Variants in RNF169 observed in about 807,000 individuals in gnomAD.
RNF169 encodes E3 ubiquitin-protein ligase RNF169.
Under a neutral mutation model 53.9 loss-of-function variants are expected in RNF169, and 24 were observed. The observed-to-expected ratio is 0.45, with a 90% CI of 0.32 to 0.63. The LOEUF is 0.63. Among genes scored for constraint, RNF169 ranks in the 20% least tolerant of loss-of-function variants. RNF169 has a pLI of 0.04. For synonymous variants in RNF169, 396 were observed against 363.5 expected (o/e 1.09, Z -1.02); for missense variants, 883 against 906.2 (o/e 0.97, Z 0.33).
intron 1 of RNF169, among the ~76,000 whole-genome samples, chr11:74,759,976 C>T (rs1020272239): frequency 1.3e-4 from 19 of 151,136 alleles, no homozygotes; most frequent in African/African-American, 4.6e-4. Flanking sequence ...TGATTATTGC[C>T]ACAATTTCAG....
chr11:74,810,419 A>G lies in RNF169; in HGVS notation c.723+89A>G. On this transcript the variant is annotated intron_variant, in intron 3 of 5. Transcript: ENST00000299563. Reference sequence around the variant, plus strand: ...GGACCTGAAAGACCTATGTTGGTAAATTGTGAGACCAGTAACAGTCAGTGA... The same window carrying G: ...GGACCTGAAAGACCTATGTTGGTAAGTTGTGAGACCAGTAACAGTCAGTGA... 8 of 1,187,058 alleles carry G rather than the reference A, an allele frequency of 6.7e-6. 1 individual carries two copies. The South Asian group carries it at 8.8e-5, about 13-fold the overall frequency. 73.5% of individuals were successfully genotyped at this position (1,187,058 alleles called of 1,614,324 possible).
chr11:74,794,554 A>G (rs554910664), intron 2 of RNF169, among the ~76,000 whole-genome samples: 2 of 152,330 alleles, frequency 1.3e-5, no homozygotes, highest in Admixed American at 1.3e-4. Flanking sequence ...TAGTTTAGTT[A>G]TGGATATCAC....
At chr11:74,776,681 C>T (rs1291890302) in intron 1 of RNF169, among the ~76,000 whole-genome samples, 1 of 152,110 alleles carries the variant, frequency 6.6e-6, no homozygotes, top group Non-Finnish European at 1.5e-5. Flanking sequence ...TGAGGGCCTA[C>T]AGGAAGCTAA....
rs2036256812 is a variant in RNF169 at position 74,836,321 on chromosome 11, T to C, written c.1718T>C (p.Val573Ala). 2 of 1,614,144 alleles carry C rather than the reference T, an allele frequency of 1.2e-6. No homozygotes were observed. The highest frequency in any genetic ancestry group is 4.5e-5 in the East Asian group (2 of 44,870). ...AGCAGAGCCATGAAAATCACCACAG[T>C]TAATTCAGTGCTACCCCAAAACAGT... ...CISRAMKITT[V>A]NSVLPQNSVL... is the part of the protein sequence containing the mutation. The change falls in exon 6 of 6, where the codon GTT (valine) becomes GCT (alanine). Residue 573 changes from valine to alanine, a missense_variant. Transcript: ENST00000299563.
At position 74,838,253 on chromosome 11, in the gene RNF169, T is replaced by C. The variant is rs1422314008; in HGVS notation, c.*1523T>C. 1.3e-5 allele frequency: 2 copies of C among 152,210 alleles called. No homozygotes were observed. The highest frequency in any genetic ancestry group is 4.1e-4 in the South Asian group (2 of 4,832). 9.4% of individuals were successfully genotyped at this position (152,210 alleles called of 1,614,324 possible). On this transcript the variant is annotated 3_prime_UTR_variant, in exon 6 of 6. Coordinates refer to ENST00000299563, the MANE Select transcript of RNF169 (RefSeq NM_001098638.2). ...AGCCAAAGTCCAGAACAGTGACCCA[T>C]TGATCAAGGCAGATAGTATAACTCC...
intron 2 of RNF169, chr11:74,808,244 C>T (rs1009612769): frequency 2.6e-5 from 4 of 152,020 alleles, no homozygotes; most frequent in Admixed American, 6.6e-5. Context: ...AGGATACATT[C>T]TAAAACACTA....
chr11:74,755,056 G>A (rs1290631568), intron 1 of RNF169, among the ~76,000 whole-genome samples: 1 of 152,194 alleles, frequency 6.6e-6, no homozygotes, highest in Non-Finnish European at 1.5e-5. Flanking sequence ...ATGAAACCAT[G>A]TGATTGTAGT....
intron 3 of RNF169, among the ~76,000 whole-genome samples, chr11:74,816,110 A>G (rs2035938905): frequency 6.6e-6 from 1 of 152,162 alleles, no homozygotes; most frequent in African/African-American, 2.4e-5. Context: ...AATATAGTCT[A>G]TTGTGTCGCT....
rs535644072 is a variant in RNF169, at chr11:74,755,009, T to C, written c.502+5627T>C. On this transcript the variant is annotated intron_variant, in intron 1 of 5. Transcript: ENST00000299563. The stretch of plus-strand genomic sequence containing the variant: ...CTCAGTTGACAGACAATGTTTGCTA[T>C]GTGTGCAGCCTAAATTACATTTAGG... Among the ~76,000 whole-genome samples, 5 of 152,332 alleles carry C rather than the reference T, an allele frequency of 3.3e-5. No homozygotes were observed. In the East Asian group the frequency reaches 9.6e-4, roughly 29 times the overall value.
intron 1 of RNF169, among the ~76,000 whole-genome samples, chr11:74,778,270 C>T (rs2035365710): frequency 6.6e-6 from 1 of 152,210 alleles, no homozygotes; most frequent in African/African-American, 2.4e-5. Flanking sequence ...CTCCCTTCTT[C>T]CTCATTGCTC....
intron 2 of RNF169, among the ~76,000 whole-genome samples, chr11:74,792,557 A>G (rs963453545): frequency 6.6e-6 from 1 of 152,132 alleles, no homozygotes; most frequent in Non-Finnish European, 1.5e-5. Flanking sequence ...GTGTGCCACC[A>G]TGCCCAGCTA....
Position 74,810,294 on chromosome 11 carries a change from A to G in RNF169, c.687A>G (p.Arg229=). The change falls in exon 3 of 6, where the codon AGA becomes AGG. Residue 229 remains arginine, a synonymous_variant. Transcript: ENST00000299563. ...GGAAAATGGATGAACAGAAAAAAAG[A>G]GATGAACCATTAGTACTGAAAACAA... ...GKRKMDEQKK[R]DEPLVLKTNL... is the part of the protein sequence containing the mutation. 6.2e-7 allele frequency: 1 copy of G among 1,613,930 alleles called. No individual in the cohort carries two copies. Among genetic ancestry groups the G allele is most frequent in the South Asian group, 1.1e-5 (1 of 91,076 alleles).
intron 1 of RNF169, among the ~76,000 whole-genome samples, chr11:74,780,079 G>A (rs2035394964): frequency 6.6e-6 from 1 of 152,138 alleles, no homozygotes; most frequent in South Asian, 2.1e-4. Context: ...TTCATTGCCT[G>A]CCTTTCGCTG....
intron 1 of RNF169, among the ~76,000 whole-genome samples, chr11:74,777,709 A>G (rs1289110216): frequency 1.3e-5 from 2 of 151,838 alleles, no homozygotes; most frequent in African/African-American, 4.8e-5. Context: ...GTGCAGTGGC[A>G]CAATCAAGGC....
At chr11:74,774,646 A>G (rs896706895) in intron 1 of RNF169, among the ~76,000 whole-genome samples, 2 of 152,078 alleles carry the variant, frequency 1.3e-5, no homozygotes, top group Non-Finnish European at 1.5e-5. Context: ...GAGTGGGTTA[A>G]GGTGAGAATT....
At chr11:74,759,283 T>A (rs1363573548) in intron 1 of RNF169, among the ~76,000 whole-genome samples, 1 of 144,828 alleles carries the variant, frequency 6.9e-6, no homozygotes, top group Non-Finnish European at 1.5e-5. Flanking sequence ...CCTCTTTTCC[T>A]AATTGAATAC....
chr11:74,822,246 C>T (rs987835049), intron 4 of RNF169, among the ~76,000 whole-genome samples: 16 of 151,916 alleles, frequency 1.1e-4, no homozygotes, highest in Non-Finnish European at 8.8e-5. Context: ...AGCTGTCTAA[C>T]GTTTTATATC....
chr11:74,801,768 GC>G (rs1157914017), intron 2 of RNF169, among the ~76,000 whole-genome samples: 3 of 152,164 alleles, frequency 2.0e-5, no homozygotes, highest in African/African-American at 7.2e-5. Context: ...TCTCTAAAAA[GC>G]AAAGAGGATG....
chr11:74,755,008 A>G (rs1162164931), intron 1 of RNF169, among the ~76,000 whole-genome samples: 3 of 152,190 alleles, frequency 2.0e-5, no homozygotes, highest in South Asian at 2.1e-4. Flanking sequence ...AATGTTTGCT[A>G]TGTGTGCAGC....
Sources: allele counts gnomAD v4.1 joint callset (sites outside exome capture counted in the v4.1 genomes callset), GRCh38; gene constraint gnomAD v4.1.1; transcripts MANE v1.5; gene names NCBI Gene and HGNC (gene_info 2026-07-23, HGNC 2026-07-21).